Variants in CAMTA1 observed in about 807,000 individuals in gnomAD.
The protein encoded by CAMTA1 is calmodulin-binding transcription activator 1.
A neutral mutation model predicts 170.9 loss-of-function variants in CAMTA1; 27 were observed. The ratio of observed to expected loss-of-function variants is 0.16; its 90% CI spans 0.12 to 0.22. CAMTA1 has a LOEUF of 0.22. CAMTA1 is among the 10% of genes least tolerant of loss of function. The pLI is 1.00. For synonymous variants in CAMTA1, 833 were observed against 891.5 expected (o/e 0.93, Z 1.17); for missense variants, 1,619 against 2,217.2 (o/e 0.73, Z 5.42).
chr1:7,746,797 C>T (rs1473707690), intron 18 of CAMTA1, among the ~76,000 whole-genome samples: 3 of 152,148 alleles, frequency 2.0e-5, no homozygotes, highest in African/African-American at 7.2e-5. Context: ...CCACCACACC[C>T]GCCTAATTCT....
chr1:7,142,174 C>CAGTATG, intron 4 of CAMTA1: 1 of 518,026 alleles, frequency 1.9e-6, no homozygotes, highest in Non-Finnish European at 3.9e-6. Context: ...CCAGCACCCT[C>CAGTATG]CCAGGCTGTG....
In CAMTA1 at chr1:7,163,740, T is replaced by A. The variant is rs374333891; in HGVS notation, c.302+72369T>A. ...CAGGTGGACAACGGTGAACAGTATG[T>A]CAATGATCCTCTGCGGGACCCAAAG... On this transcript the variant is annotated intron_variant, in intron 4 of 22. Transcript: ENST00000303635. Among the ~76,000 whole-genome samples the A allele has an allele frequency of 3.3e-4, 50 of 152,238 alleles. 1 individual carries two copies. In the South Asian group the frequency reaches 0.01, roughly 31 times the overall value.
At chr1:7,182,767 A>G (rs1652471296) in intron 4 of CAMTA1, among the ~76,000 whole-genome samples, 1 of 152,358 alleles carries the variant, frequency 6.6e-6, no homozygotes, top group African/African-American at 2.4e-5. Context: ...GATAGAAAAA[A>G]TGGGCACAAG....
rs2095690205 is a variant in CAMTA1 at position 7,633,956 on chromosome 1, G to C, written c.511-6444G>C. 1.3e-5 allele frequency among the ~76,000 whole-genome samples: 2 copies of C among 152,248 alleles called. No individual in the cohort carries two copies. Among genetic ancestry groups the C allele is most frequent in the African/African-American group, 4.8e-5 (2 of 41,470 alleles). On this transcript the variant is annotated intron_variant, in intron 6 of 22. Transcript: ENST00000303635. This position sits in a 1 kb window ranked among gnomAD's most constrained non-coding sequence, Gnocchi z 4.1. ...CGTGGCAGCCAGAGACCACAGCCCA[G>C]GGAGAGAAGCGGCAGATCTGGGGAA...
chr1:6,912,630 G>A (rs746561941), intron 3 of CAMTA1, among the ~76,000 whole-genome samples: 4 of 152,254 alleles, frequency 2.6e-5, no homozygotes, highest in Non-Finnish European at 5.9e-5. Context: ...CCGCAGGGGA[G>A]GAGGATTTTG....
Position 7,251,470 on chromosome 1 carries a change from C to T in CAMTA1, c.438+1844C>T, listed in dbSNP as rs1357215366. ...CTCCTAACATGGATGGCAGTGTGGGCAGCGGGAAGAGCCGGTGACACGATG... is the reference window on the plus strand; with the variant it reads ...CTCCTAACATGGATGGCAGTGTGGGTAGCGGGAAGAGCCGGTGACACGATG... On this transcript the variant is annotated intron_variant, in intron 5 of 22. Coordinates refer to ENST00000303635, the MANE Select transcript of CAMTA1 (RefSeq NM_015215.4). The surrounding 1 kb of genome is among the most constrained non-coding windows in gnomAD (Gnocchi z 5.1). 6.6e-6 allele frequency among the ~76,000 whole-genome samples: 1 copy of T among 152,088 alleles called. No homozygotes were observed.
In CAMTA1 at chr1:7,443,085, C is replaced by T. The variant is rs375399161; in HGVS notation, c.439-24745C>T. Among the ~76,000 whole-genome samples the T allele has an allele frequency of 2.2e-4, 34 of 152,336 alleles. No individual in the cohort carries two copies. In the East Asian group the frequency reaches 3.5e-3, roughly 16 times the overall value. On this transcript the variant is annotated intron_variant, in intron 5 of 22. Transcript: ENST00000303635. This position sits in a 1 kb window ranked among gnomAD's most constrained non-coding sequence, Gnocchi z 4.1. Reference sequence around the variant, plus strand: ...CCTCCTGACTTCTTGGCCTCATTCACTCCAACAGAACTGTCCCTCCCAGCT... The same window carrying T: ...CCTCCTGACTTCTTGGCCTCATTCATTCCAACAGAACTGTCCCTCCCAGCT...
At chr1:7,687,785 C>A (rs969653776) in intron 11 of CAMTA1, among the ~76,000 whole-genome samples, 1 of 152,120 alleles carries the variant, frequency 6.6e-6, no homozygotes. Context: ...CATGGCTCCC[C>A]GCTGGGGAGC....
In CAMTA1 at chr1:7,068,573, A is replaced by G. The variant is rs150991031; in HGVS notation, c.235-22731A>G. On this transcript the variant is annotated intron_variant, in intron 3 of 22. Transcript: ENST00000303635. ...TGTGAGGTGCCAGAGAAAATCCATC[A>G]TGCATCCCGAGCTCTGTTTTTTATT... Among the ~76,000 whole-genome samples, 1,275 of 152,258 alleles carry G rather than the reference A, an allele frequency of 8.4e-3. 20 individuals carry two copies. The highest frequency in any genetic ancestry group is 0.029 in the African/African-American group (1,216 of 41,554).
intron 6 of CAMTA1, among the ~76,000 whole-genome samples, chr1:7,506,906 TCA>T (rs2094123887): frequency 6.6e-6 from 1 of 152,058 alleles, no homozygotes. Flanking sequence ...TATCTCTTGC[TCA>T]CACTCAAAAT....
intron 3 of CAMTA1, among the ~76,000 whole-genome samples, chr1:6,961,813 C>T (rs1690461752): frequency 6.6e-6 from 1 of 152,260 alleles, no homozygotes; most frequent in South Asian, 2.1e-4. Flanking sequence ...GATTCTTTCT[C>T]ACCGGGCTTG....
intron 4 of CAMTA1, among the ~76,000 whole-genome samples, chr1:7,180,139 G>A (rs1329444116): frequency 6.6e-6 from 1 of 152,132 alleles, no homozygotes; most frequent in Non-Finnish European, 1.5e-5. Flanking sequence ...GGCTGAGGCG[G>A]GTGGATCACC....
intron 6 of CAMTA1, among the ~76,000 whole-genome samples, chr1:7,533,520 C>A (rs766233192): frequency 4.6e-5 from 7 of 152,210 alleles, no homozygotes; most frequent in Non-Finnish European, 1.0e-4. Context: ...CAGCAGGAAG[C>A]ACGGAGTCAC....
chr1:7,013,523 T>C (rs539838133), intron 3 of CAMTA1, among the ~76,000 whole-genome samples: 2 of 152,224 alleles, frequency 1.3e-5, no homozygotes, highest in South Asian at 2.1e-4. Flanking sequence ...CCTTTGTCCT[T>C]CTTGAGTCTT....
At chr1:7,077,067 A>C (rs1417186190) in intron 3 of CAMTA1, among the ~76,000 whole-genome samples, 1 of 152,230 alleles carries the variant, frequency 6.6e-6, no homozygotes, top group East Asian at 1.9e-4. Context: ...CCAGTGGCCT[A>C]TAATCAAGTC....
At chr1:7,399,272 A>G (rs1433908127) in intron 5 of CAMTA1, among the ~76,000 whole-genome samples, 1 of 152,136 alleles carries the variant, frequency 6.6e-6, no homozygotes, top group African/African-American at 2.4e-5. Flanking sequence ...TCTCTCTTGC[A>G]TTTATTTATC....
At chr1:7,484,942 G>A (rs1246366662) in intron 6 of CAMTA1, among the ~76,000 whole-genome samples, 1 of 152,104 alleles carries the variant, frequency 6.6e-6, no homozygotes, top group Non-Finnish European at 1.5e-5. Context: ...GTTGTACACT[G>A]TGACCCACCA....
At chr1:7,031,625 C>G (rs570583748) in intron 3 of CAMTA1, among the ~76,000 whole-genome samples, 1 of 152,064 alleles carries the variant, frequency 6.6e-6, no homozygotes, top group Non-Finnish European at 1.5e-5. Context: ...CTGCAACCTC[C>G]GCCTCCCGGG....
rs1203238485 is a variant in CAMTA1, at chr1:7,456,923, A to T, written c.439-10907A>T. Among the ~76,000 whole-genome samples, 1 of 152,170 alleles carries T rather than the reference A, an allele frequency of 6.6e-6. No homozygotes were observed. The highest frequency in any genetic ancestry group is 1.9e-4 in the East Asian group (1 of 5,172). On this transcript the variant is annotated intron_variant, in intron 5 of 22. Transcript: ENST00000303635. This position sits in a 1 kb window ranked among gnomAD's most constrained non-coding sequence, Gnocchi z 4.9. ...AACAGCCCATGTGGAGCGTGCAGCA[A>T]GGCCCAGATGGGAGCAGCCCATGTG...
Sources: gnomAD v4.1 joint callset for allele counts (sites outside exome capture counted in the v4.1 genomes callset) on GRCh38, gnomAD v4.1.1 for gene constraint, Gnocchi (gnomAD v3.1) non-coding constraint, MANE v1.5 for transcripts, NCBI Gene and HGNC (gene_info 2026-07-23, HGNC 2026-07-21) for gene names.